EXTL3: variants seen among roughly 807,000 people sequenced by gnomAD.
EXTL3 encodes exostosin-like 3.
Under a neutral mutation model 69.3 loss-of-function variants are expected in EXTL3, and 27 were observed. That is an observed-to-expected ratio of 0.39 (90% CI 0.29 to 0.54). EXTL3 has a LOEUF of 0.54. Ranked by LOEUF, EXTL3 falls within the 20% of genes least tolerant of loss-of-function variation. The pLI, the probability that EXTL3 is intolerant of heterozygous loss-of-function variation, is 0.69. For synonymous variants in EXTL3, 511 were observed against 499.4 expected (o/e 1.02, Z -0.31); for missense variants, 1,003 against 1,231.8 (o/e 0.81, Z 2.78).
Position 28,750,636 on chromosome 8 carries a change from G to C in EXTL3, c.2551-21G>C, listed in dbSNP as rs368185060. The C allele has an allele frequency of 2.2e-5, 36 of 1,601,550 alleles. No individual in the cohort carries two copies. Among genetic ancestry groups the C allele is most frequent in the Non-Finnish European group, 2.7e-5 (32 of 1,168,832 alleles). The stretch of plus-strand genomic sequence containing the variant: ...CAGTATTAGCTGGGATTCCCACTCT[G>C]TCTCTCTCTCCCGTTTCCAGGTGAC... On this transcript the variant is annotated intron_variant, in intron 6 of 6. Transcript: ENST00000220562. The surrounding 1 kb of genome is among the most constrained non-coding windows in gnomAD (Gnocchi z 5.2).
chr8:28,717,638 T>C lies in EXTL3; in HGVS notation c.1579T>C (p.Phe527Leu), dbSNP rs1801191194. ...TTACTTCTCCACTGCTGACAGTATT[T>C]TTAATACCGTGCTGGCTATGATTAG... is the stretch of plus-strand genomic sequence containing the variant. Reference protein sequence around the residue: ...ETYFSTADSIFNTVLAMIRTR... With the variant: ...ETYFSTADSILNTVLAMIRTR... The change falls in exon 3 of 7, where the codon TTT becomes CTT. Residue 527 changes from phenylalanine (F) to leucine (L), a missense_variant. By Grantham distance (22) the Phe-to-Leu change is conservative. This residue lies in a region of EXTL3 where 742 missense variants were observed against 815.4 expected (regional missense o/e 0.91). Transcript: ENST00000220562. The surrounding 1 kb of genome is among the most constrained non-coding windows in gnomAD (Gnocchi z 8.3). The C allele has an allele frequency of 6.2e-7, 1 of 1,614,244 alleles. No individual in the cohort carries two copies. Among genetic ancestry groups the C allele is most frequent in the Non-Finnish European group, 8.5e-7 (1 of 1,180,048 alleles).
At chr8:28,709,214 C>T (rs1305881122) in intron 1 of EXTL3, among the ~76,000 whole-genome samples, 1 of 152,142 alleles carries the variant, frequency 6.6e-6, no homozygotes, top group East Asian at 1.9e-4. Flanking sequence ...GTGTACAGAA[C>T]AGGAATAACA....
At chr8:28,627,160 C>A (rs941661066) in intron 1 of EXTL3, among the ~76,000 whole-genome samples, 1 of 150,674 alleles carries the variant, frequency 6.6e-6, no homozygotes, top group African/African-American at 2.4e-5. Context: ...TGCACTCCAG[C>A]CTGGGCGACA....
In EXTL3 at chr8:28,650,356, C is replaced by CTTA. The variant is rs368361713; in HGVS notation, c.-53+27564_-53+27566dup. ...TGGTTCAGCACCTTTATTGTATTTACTTATTATTATTATTATTATTTTGAG... is the reference window on the plus strand; with the variant it reads ...TGGTTCAGCACCTTTATTGTATTTACTTATTATTATTATTATTATTATTTTGAG... On this transcript the variant is annotated intron_variant, in intron 1 of 6. Transcript: ENST00000523149. Among the ~76,000 whole-genome samples, 835 of 150,814 alleles carry CTTA rather than the reference C, an allele frequency of 5.5e-3. 5 individuals carry two copies. The highest frequency in any genetic ancestry group is 0.018 in the African/African-American group (735 of 41,072).
chr8:28,616,285 G>A (rs1806329653), intron 2 of EXTL3, among the ~76,000 whole-genome samples: 2 of 151,944 alleles, frequency 1.3e-5, no homozygotes, highest in Middle Eastern at 3.4e-3. Flanking sequence ...GTAACTGAAG[G>A]AGGGAGATGG....
intron 1 of EXTL3, among the ~76,000 whole-genome samples, chr8:28,702,193 C>T (rs1585260772): frequency 1.3e-5 from 2 of 152,246 alleles, no homozygotes; most frequent in African/African-American, 2.4e-5. Flanking sequence ...CGCCTGCTGC[C>T]CTCCCCGCTG....
chr8:28,680,207 C>G (rs916584948), intron 1 of EXTL3, among the ~76,000 whole-genome samples: 2 of 152,010 alleles, frequency 1.3e-5, no homozygotes, highest in African/African-American at 4.8e-5. Context: ...GCCTGGCCAA[C>G]ATGGTGAAGC....
intron 2 of EXTL3, among the ~76,000 whole-genome samples, chr8:28,610,474 A>G (rs1806257129): frequency 6.6e-6 from 1 of 152,088 alleles, no homozygotes; most frequent in African/African-American, 2.4e-5. Context: ...TGTGGTTGTC[A>G]TTTGGACCAG....
chr8:28,703,882 G>C (rs934429251), intron 1 of EXTL3, among the ~76,000 whole-genome samples: 1 of 152,032 alleles, frequency 6.6e-6, no homozygotes, highest in Non-Finnish European at 1.5e-5. Flanking sequence ...CTATCATTTC[G>C]AAGACTTTCA....
intron 1 of EXTL3, among the ~76,000 whole-genome samples, chr8:28,648,663 G>A (rs1806871835): frequency 6.6e-6 from 1 of 151,862 alleles, no homozygotes; most frequent in African/African-American, 2.4e-5. Context: ...ACTGTCCTGA[G>A]TGAGGTGTGT....
intron 1 of EXTL3, among the ~76,000 whole-genome samples, chr8:28,671,592 G>A (rs1025923198): frequency 2.0e-5 from 3 of 151,986 alleles, no homozygotes; most frequent in Admixed American, 1.3e-4. Flanking sequence ...ACCTGCTTTC[G>A]CCTCCCAAAG....
chr8:28,661,097 T>G (rs894242903), intron 1 of EXTL3, among the ~76,000 whole-genome samples: 1 of 151,768 alleles, frequency 6.6e-6, no homozygotes, highest in Non-Finnish European at 1.5e-5. Context: ...GTATTTTTAG[T>G]AGAGACGGGG....
In EXTL3 at chr8:28,751,063, G is replaced by C; in HGVS notation, c.*197G>C. ...CACACTGGGCCTGGAGCCCTGGGCG[G>C]AGTCCCCGGGGTTCCCCACACAGGG... On this transcript the variant is annotated 3_prime_UTR_variant, in exon 7 of 7. Coordinates refer to ENST00000220562, the MANE Select transcript of EXTL3 (RefSeq NM_001440.4). The C allele has an allele frequency of 1.7e-6, 1 of 599,220 alleles. No individual in the cohort carries two copies. Among genetic ancestry groups the C allele is most frequent in the Non-Finnish European group, 3.0e-6 (1 of 336,846 alleles). The allele number at this position is 599,220 out of a possible 1,614,324, so 37.1% of individuals were successfully genotyped here. A position where few individuals can be genotyped will look rare whatever the true frequency, so the allele number is the denominator to read the frequency against.
rs1263210964 is a variant in EXTL3, at chr8:28,750,638, C to T, written c.2551-19C>T. On this transcript the variant is annotated intron_variant, in intron 6 of 6. Transcript: ENST00000220562. This position sits in a 1 kb window ranked among gnomAD's most constrained non-coding sequence, Gnocchi z 5.2. ...GTATTAGCTGGGATTCCCACTCTGTCTCTCTCTCCCGTTTCCAGGTGACCT... is the reference window on the plus strand; with the variant it reads ...GTATTAGCTGGGATTCCCACTCTGTTTCTCTCTCCCGTTTCCAGGTGACCT... 1 of 1,603,540 alleles carries T rather than the reference C, an allele frequency of 6.2e-7. No individual in the cohort carries two copies. Among genetic ancestry groups the T allele is most frequent in the Admixed American group, 1.7e-5 (1 of 60,008 alleles).
rs146860691 is a variant in EXTL3 at position 28,750,845 on chromosome 8, C to T, written c.2739C>T (p.Thr913=). The T allele has an allele frequency of 6.2e-7, 1 of 1,613,954 alleles. No homozygotes were observed. The highest frequency in any genetic ancestry group is 1.3e-5 in the African/African-American group (1 of 74,922). ...AGACACGCCTGCCCCATGACAAGAC[C>T]AAGTGCTTCAAGTTCATCTAGGGGC... The part of the protein sequence containing the change: ...LFKTRLPHDK[T]KCFKFI The change falls in exon 7 of 7, where the codon ACC becomes ACT. Residue 913 remains threonine, a synonymous_variant. Coordinates refer to ENST00000220562, the MANE Select transcript of EXTL3 (RefSeq NM_001440.4). This position sits in a 1 kb window ranked among gnomAD's most constrained non-coding sequence, Gnocchi z 5.2.
intron 1 of EXTL3, among the ~76,000 whole-genome samples, chr8:28,656,888 T>A (rs1340289198): frequency 6.6e-6 from 1 of 151,288 alleles, no homozygotes; most frequent in Admixed American, 6.6e-5. Flanking sequence ...GGTTGGTCTT[T>A]CTTTCTTTCT....
At chr8:28,739,381 T>TA (rs1045656094) in intron 5 of EXTL3, among the ~76,000 whole-genome samples, 1 of 152,088 alleles carries the variant, frequency 6.6e-6, no homozygotes, top group Non-Finnish European at 1.5e-5. Flanking sequence ...GGTTGGAGTG[T>TA]AATGGTGGGG....
chr8:28,680,922 G>C (rs1050807302), intron 1 of EXTL3, among the ~76,000 whole-genome samples: 2 of 152,074 alleles, frequency 1.3e-5, no homozygotes, highest in Non-Finnish European at 2.9e-5. Context: ...CTGTCGCCCA[G>C]GCTGGAGTGC....
At chr8:28,745,676 G>A (rs1801874171) in intron 6 of EXTL3, among the ~76,000 whole-genome samples, 1 of 152,206 alleles carries the variant, frequency 6.6e-6, no homozygotes, top group Non-Finnish European at 1.5e-5. Context: ...AAAATTTAAA[G>A]TATCTGAGTG....
Sources: allele counts gnomAD v4.1 joint callset (sites outside exome capture counted in the v4.1 genomes callset), GRCh38; gene constraint gnomAD v4.1.1; regional missense constraint gnomAD v4.1.1; non-coding constraint Gnocchi (gnomAD v3.1); transcripts MANE v1.5; gene names NCBI Gene and HGNC (gene_info 2026-07-23, HGNC 2026-07-21).